Variants in SLC16A12 observed in about 807,000 individuals in gnomAD.
The protein encoded by SLC16A12 is monocarboxylate transporter 12.
A neutral mutation model predicts 42.4 loss-of-function variants in SLC16A12; 17 were observed. The ratio of observed to expected loss-of-function variants is 0.40; its 90% confidence interval spans 0.27 to 0.60. SLC16A12 has a LOEUF of 0.60. Among genes scored for constraint, SLC16A12 ranks in the 20% least tolerant of loss-of-function variants. SLC16A12 has a pLI of 0.42. For missense variants in SLC16A12, 544 were observed against 623.0 expected, an observed-to-expected ratio of 0.87 and a Z score of 1.35; for synonymous variants, 224 against 229.4, an observed-to-expected ratio of 0.98 and a Z score of 0.21.
intron 2 of SLC16A12, among the ~76,000 whole-genome samples, chr10:89,476,498 C>G (rs1354181367): frequency 6.6e-6 from 1 of 152,266 alleles, no homozygotes; most frequent in Non-Finnish European, 1.5e-5. Context: ...AGGAGGGACC[C>G]TGGAGGCTCC....
At chr10:89,487,720 A>G (rs7086611) in intron 2 of SLC16A12, among the ~76,000 whole-genome samples, 10,259 of 149,448 alleles carry the variant, frequency 0.069, 955 homozygotes, top group African/African-American at 0.21. Flanking sequence ...GCTTAGGCAC[A>G]AGAATGGCTT....
Position 89,462,582 on chromosome 10 carries a change from A to C in SLC16A12, c.-4T>G. ...TCCAGTGACTTCCTGATGGCATTCA[A>C]GGTTGGCATAGAACGCTACCTGGCC... On this transcript the variant is annotated 5_prime_UTR_variant, in exon 3 of 8. Coordinates refer to ENST00000371790, the MANE Select transcript of SLC16A12 (RefSeq NM_213606.4). 1 of 1,599,590 alleles carries C rather than the reference A, an allele frequency of 6.3e-7. No homozygotes were observed. Among genetic ancestry groups the C allele is most frequent in the Non-Finnish European group, 8.5e-7 (1 of 1,175,862 alleles).
At chr10:89,497,188 C>T (rs909158218) in intron 2 of SLC16A12, among the ~76,000 whole-genome samples, 2 of 152,054 alleles carry the variant, frequency 1.3e-5, no homozygotes, top group African/African-American at 2.4e-5. Context: ...ACAGAGTATA[C>T]GGGAACTCTG....
Position 89,441,189 on chromosome 10 carries a change from A to G in SLC16A12, c.367T>C (p.Leu123=). 4 of 1,614,014 alleles carry G rather than the reference A, an allele frequency of 2.5e-6. No individual in the cohort carries two copies. Among genetic ancestry groups the G allele is most frequent in the Non-Finnish European group, 2.5e-6 (3 of 1,179,916 alleles). The part of the protein sequence containing the change: ...SCQVGIMLGG[L]LASTGLILSS... ...AGGATGAGTCCAGTAGATGCAAGCA[A>G]GCCACCCAGCATGATTCCCACTTGA... Residue 123 remains leucine, a synonymous_variant, in exon 5 of 8, where the codon TTG becomes CTG. Coordinates refer to ENST00000371790, the MANE Select transcript of SLC16A12 (RefSeq NM_213606.4).
chr10:89,529,581 T>A (rs986816301), intron 2 of SLC16A12, among the ~76,000 whole-genome samples: 8 of 147,872 alleles, frequency 5.4e-5, no homozygotes, highest in African/African-American at 2.0e-4. Flanking sequence ...ACAGTCTCTC[T>A]CTGTTGCCCA....
intron 3 of SLC16A12, among the ~76,000 whole-genome samples, chr10:89,459,542 G>C (rs11203138): frequency 6.9e-6 from 1 of 143,998 alleles, no homozygotes; most frequent in African/African-American, 2.5e-5. Flanking sequence ...GTGTGTATGT[G>C]TGTGTGTGTT....
chr10:89,539,920 T>TTTTCTTTC, upstream of SLC16A12, among the ~76,000 whole-genome samples: 1 of 114,878 alleles, frequency 8.7e-6, no homozygotes, highest in Non-Finnish European at 1.9e-5. Flanking sequence ...TTTTTTCTTT[T>TTTTCTTTC]TTTCTTTCTT....
At chr10:89,531,747 G>A (rs1307126221) in intron 2 of SLC16A12, among the ~76,000 whole-genome samples, 1 of 152,168 alleles carries the variant, frequency 6.6e-6, no homozygotes, top group Non-Finnish European at 1.5e-5. Context: ...TCTTCAAAAA[G>A]AGGCAAGGAT....
At chr10:89,442,981 T>C (rs942832847) in intron 4 of SLC16A12, among the ~76,000 whole-genome samples, 2 of 152,232 alleles carry the variant, frequency 1.3e-5, no homozygotes, top group Non-Finnish European at 2.9e-5. Context: ...AACAATTTGA[T>C]TTAATCTTAG....
chr10:89,542,222 A>ATTC (rs774890415), intron 2 of SLC16A12, among the ~76,000 whole-genome samples: 14 of 152,144 alleles, frequency 9.2e-5, no homozygotes, highest in Non-Finnish European at 1.8e-4. Flanking sequence ...ATTGTTATGA[A>ATTC]TTATTATTAT....
At chr10:89,479,393 T>A (rs1361409817) in intron 2 of SLC16A12, among the ~76,000 whole-genome samples, 1 of 152,180 alleles carries the variant, frequency 6.6e-6, no homozygotes, top group Non-Finnish European at 1.5e-5. Flanking sequence ...TAGGGGAAGA[T>A]GCCCTTGCAA....
At chr10:89,493,377 T>G (rs779554286) in intron 2 of SLC16A12, among the ~76,000 whole-genome samples, 1 of 152,088 alleles carries the variant, frequency 6.6e-6, no homozygotes, top group Non-Finnish European at 1.5e-5. Flanking sequence ...CATGTGTCAC[T>G]ATGCCCGGCT....
intron 2 of SLC16A12, among the ~76,000 whole-genome samples, chr10:89,555,487 G>A (rs1019779559): frequency 2.2e-4 from 31 of 144,082 alleles, no homozygotes; most frequent in East Asian, 2.0e-4. Flanking sequence ...GTATATATAC[G>A]TATATATACG....
At position 89,432,909 on chromosome 10, in the gene SLC16A12, G is replaced by T; in HGVS notation, c.*155C>A. 9.2e-7 allele frequency: 1 copy of T among 1,092,596 alleles called. No homozygotes were observed. The highest frequency in any genetic ancestry group is 1.3e-6 in the Non-Finnish European group (1 of 787,502). 67.7% of individuals were successfully genotyped at this position (1,092,596 alleles called of 1,614,324 possible). A position where few individuals can be genotyped will look rare whatever the true frequency, so the allele number is the denominator to read the frequency against. On this transcript the variant is annotated 3_prime_UTR_variant, in exon 8 of 8. Transcript: ENST00000371790. The stretch of plus-strand genomic sequence containing the variant: ...AGTCCAGCTTTCCTTATTATGTGCT[G>T]TTTTCCCTTATAAATATTAATATGT...
chr10:89,516,256 G>T (rs1843248728), intron 2 of SLC16A12, among the ~76,000 whole-genome samples: 1 of 152,140 alleles, frequency 6.6e-6, no homozygotes, highest in Non-Finnish European at 1.5e-5. Context: ...TCTATGGAAT[G>T]GTGAGAGAAT....
rs115821903 is a variant in SLC16A12, at chr10:89,478,990, G to A, written c.-46-16366C>T. ...TTGTTCCTGAACTGAGCCTGAGCCCGTCCTAGCCTGGCTTGTTCAGCCCTG... is the reference window on the plus strand; with the variant it reads ...TTGTTCCTGAACTGAGCCTGAGCCCATCCTAGCCTGGCTTGTTCAGCCCTG... On this transcript the variant is annotated intron_variant, in intron 2 of 7. Transcript: ENST00000371790. Among the ~76,000 whole-genome samples the A allele has an allele frequency of 4.9e-3, 739 of 152,256 alleles. 3 individuals carry two copies. Among genetic ancestry groups the A allele is most frequent in the African/African-American group, 0.016 (662 of 41,530 alleles).
chr10:89,460,925 T>C (rs1408555655), intron 3 of SLC16A12, among the ~76,000 whole-genome samples: 2 of 152,166 alleles, frequency 1.3e-5, no homozygotes, highest in Non-Finnish European at 2.9e-5. Context: ...TGATACACAA[T>C]CAACCAACCG....
chr10:89,484,484 A>G (rs1842718431), intron 2 of SLC16A12, among the ~76,000 whole-genome samples: 1 of 152,194 alleles, frequency 6.6e-6, no homozygotes, highest in Non-Finnish European at 1.5e-5. Flanking sequence ...AACACACTTA[A>G]AACAGTACCT....
intron 2 of SLC16A12, among the ~76,000 whole-genome samples, chr10:89,471,659 T>C (rs1423184561): frequency 2.0e-5 from 3 of 152,190 alleles, no homozygotes; most frequent in Non-Finnish European, 4.4e-5. Flanking sequence ...AGGAAAGAAA[T>C]TGCTCAATCA....
Sources: gnomAD v4.1 joint callset for allele counts (sites outside exome capture counted in the v4.1 genomes callset) on GRCh38, gnomAD v4.1.1 for gene constraint, MANE v1.5 for transcripts, NCBI Gene and HGNC (gene_info 2026-07-23, HGNC 2026-07-21) for gene names.